TTC6: variants seen among roughly 807,000 people sequenced by gnomAD.
TTC6 encodes the protein tetratricopeptide repeat domain 6.
A neutral mutation model predicts 210.4 loss-of-function variants in TTC6; 172 were observed. That is an observed-to-expected ratio of 0.82 (90% CI 0.72 to 0.93). TTC6 has a LOEUF of 0.93. Ranked by LOEUF, TTC6 falls within the 40% of genes least tolerant of loss-of-function variation. The pLI is 0.00. For missense variants in TTC6, 2,414 were observed against 2,318.1 expected, an observed-to-expected ratio of 1.04 and a Z score of -0.85; for synonymous variants, 804 against 819.6, an observed-to-expected ratio of 0.98 and a Z score of 0.32.
At chr14:37,664,772 C>CT (rs1285370945) in intron 1 of TTC6, among the ~76,000 whole-genome samples, 1 of 150,320 alleles carries the variant, frequency 6.7e-6, no homozygotes, top group Non-Finnish European at 1.5e-5. Context: ...GTCCAATATC[C>CT]AGAGCTTATC....
chr14:37,836,652 TGC>T (rs1411058085), intron 29 of TTC6, among the ~76,000 whole-genome samples: 1 of 152,220 alleles, frequency 6.6e-6, no homozygotes, highest in African/African-American at 2.4e-5. Context: ...AGCTTTACAG[TGC>T]ACACTCCCTC....
chr14:37,705,294 G>GT (rs2095833256), intron 5 of TTC6, among the ~76,000 whole-genome samples: 1 of 151,926 alleles, frequency 6.6e-6, no homozygotes, highest in Non-Finnish European at 1.5e-5. Flanking sequence ...AAAACCAAAG[G>GT]TTAAGTGTCA....
At chr14:37,785,739 A>G (rs12432869) in intron 14 of TTC6, among the ~76,000 whole-genome samples, 46,709 of 152,088 alleles carry the variant, frequency 0.31, 7,570 homozygotes, top group South Asian at 0.45. Flanking sequence ...GCTCTGGTTT[A>G]TCCCCATATT....
chr14:37,631,861 T>A (rs943880035), intron 1 of TTC6, among the ~76,000 whole-genome samples: 2 of 152,214 alleles, frequency 1.3e-5, no homozygotes, highest in African/African-American at 4.8e-5. Flanking sequence ...TTTCATTAAG[T>A]TGATCTTCAA....
chr14:37,783,680 A>C (rs536691700), intron 14 of TTC6, among the ~76,000 whole-genome samples: 28 of 152,066 alleles, frequency 1.8e-4, no homozygotes, highest in African/African-American at 6.5e-4. Context: ...TAGCTTTTGA[A>C]TGTGTTTGCT....
At chr14:37,650,482 A>G (rs539044316) in intron 1 of TTC6, among the ~76,000 whole-genome samples, 1 of 152,332 alleles carries the variant, frequency 6.6e-6, no homozygotes, top group East Asian at 1.9e-4. Flanking sequence ...GAAACTAGAT[A>G]AATAAGCTTG....
At chr14:37,747,987 A>T (rs2095940983) in intron 10 of TTC6, among the ~76,000 whole-genome samples, 1 of 152,184 alleles carries the variant, frequency 6.6e-6, no homozygotes, top group African/African-American at 2.4e-5. Flanking sequence ...GAAGGGCTTG[A>T]TTTGCATACT....
At chr14:37,629,378 G>T (rs2095665555) in intron 1 of TTC6, among the ~76,000 whole-genome samples, 1 of 151,946 alleles carries the variant, frequency 6.6e-6, no homozygotes. Context: ...TTTGTGAATG[G>T]GAGTTCATTC....
At chr14:37,618,703 C>T (rs374638393), upstream of TTC6, among the ~76,000 whole-genome samples, 10 of 152,272 alleles carry the variant, frequency 6.6e-5, no homozygotes, top group East Asian at 5.8e-4. Context: ...TCATCTTGAA[C>T]GCACAATAGA....
intron 14 of TTC6, among the ~76,000 whole-genome samples, chr14:37,780,603 G>A (rs1374652931): frequency 6.6e-6 from 1 of 152,128 alleles, no homozygotes; most frequent in African/African-American, 2.4e-5. Flanking sequence ...TGGCTGTGTA[G>A]TATTCCATGG....
intron 2 of TTC6, among the ~76,000 whole-genome samples, chr14:37,612,931 G>A (rs1273347030): frequency 6.6e-6 from 1 of 152,030 alleles, no homozygotes; most frequent in Non-Finnish European, 1.5e-5. Context: ...CTGCAAATAG[G>A]GACGCTTTAA....
At chr14:37,619,812 C>A (rs1179462216), upstream of TTC6, among the ~76,000 whole-genome samples, 1 of 151,490 alleles carries the variant, frequency 6.6e-6, no homozygotes, top group Non-Finnish European at 1.5e-5. Context: ...TTGGCTAATC[C>A]AGCCTGTTTA....
chr14:37,767,622 CCTT>C (rs1482844136), intron 14 of TTC6, among the ~76,000 whole-genome samples: 2 of 152,062 alleles, frequency 1.3e-5, no homozygotes, highest in African/African-American at 4.8e-5. Context: ...CTGTTCATGT[CCTT>C]CGCCTACTTT....
intron 14 of TTC6, among the ~76,000 whole-genome samples, chr14:37,781,928 G>C (rs1318286469): frequency 6.6e-6 from 1 of 152,186 alleles, no homozygotes; most frequent in African/African-American, 2.4e-5. Flanking sequence ...TCAAAGATCA[G>C]ATGGTTGTAG....
chr14:37,782,943 T>G (rs138428596), intron 14 of TTC6, among the ~76,000 whole-genome samples: 3,894 of 152,362 alleles, frequency 0.026, 60 homozygotes, highest in Non-Finnish European at 0.038. Flanking sequence ...TTGATTCGTG[T>G]ATGTTGAATC....
At chr14:37,735,928 A>C (rs1398081799) in exon 8 of TTC6, 1 of 1,526,292 alleles carries the variant, frequency 6.6e-7, no homozygotes, top group African/African-American at 1.4e-5. Flanking sequence ...CAGAGTGTTC[A>C]AGCAAGCAGA....
intron 1 of TTC6, among the ~76,000 whole-genome samples, chr14:37,667,167 A>C (rs946589888): frequency 6.7e-6 from 1 of 150,206 alleles, no homozygotes; most frequent in Non-Finnish European, 1.5e-5. Context: ...CACTGTGCCT[A>C]CCGAGTCTAC....
chr14:37,629,473 C>T (rs946434700), intron 1 of TTC6, among the ~76,000 whole-genome samples: 3 of 152,118 alleles, frequency 2.0e-5, no homozygotes, highest in Non-Finnish European at 4.4e-5. Flanking sequence ...TGAGACTTTG[C>T]TGAAATTGCT....
chr14:37,623,064 T>G, intron 1 of TTC6, 61 bp downstream of exon 3: 1 of 1,219,544 alleles, frequency 8.2e-7, no homozygotes, highest in Non-Finnish European at 1.1e-6. Flanking sequence ...ACATTACATA[T>G]GTAAGAGTAG....
Sources: gnomAD v4.1 joint callset for allele counts (sites outside exome capture counted in the v4.1 genomes callset) on GRCh38, gnomAD v4.1.1 for gene constraint, MANE v1.5 for transcripts, NCBI Gene and HGNC (gene_info 2026-07-23, HGNC 2026-07-21) for gene names.